Variants in CATSPER1 observed in about 807,000 individuals in gnomAD.
The protein encoded by CATSPER1 is cation channel sperm-associated protein 1.
Under a neutral mutation model 72.7 loss-of-function variants are expected in CATSPER1, and 57 were observed. The ratio of observed to expected loss-of-function variants is 0.78; its 90% CI spans 0.63 to 0.98. The LOEUF (loss-of-function observed/expected upper bound fraction) is 0.98. Among genes scored for constraint, CATSPER1 ranks in the 50% least tolerant of loss-of-function variants. The pLI is 0.00. For missense variants in CATSPER1, 910 were observed against 1,033.9 expected (o/e 0.88, Z 1.64); for synonymous variants, 363 against 403.0 (o/e 0.90, Z 1.19).
chr11:66,026,127 G>A lies in CATSPER1; in HGVS notation c.253C>T (p.Arg85Trp), dbSNP rs534997340. The change falls in exon 1 of 12, where the codon CGG (arginine) becomes TGG (tryptophan). Residue 85 changes from arginine to tryptophan, a missense_variant. Coordinates refer to ENST00000312106, the MANE Select transcript of CATSPER1 (RefSeq NM_053054.4). Reference protein sequence around the residue: ...VHQSHHHSEARNHGRAHGPTG... With the variant: ...VHQSHHHSEAWNHGRAHGPTG... ...GGGCCATGGGCTCTGCCGTGATTCC[G>A]TGCCTCGCTGTGGTGGTGAGATTGG... 14 of 1,606,838 alleles carry A rather than the reference G, an allele frequency of 8.7e-6. No individual in the cohort carries two copies. The highest frequency in any genetic ancestry group is 5.5e-5 in the South Asian group (5 of 90,942).
chr11:66,026,097 CTGTG>C lies in CATSPER1; in HGVS notation c.279_282del (p.Thr94AlafsTer240), dbSNP rs745435290. The C allele has an allele frequency of 2.6e-5, 42 of 1,612,152 alleles. No homozygotes were observed. The East Asian group carries it at 9.2e-4, about 35-fold the overall frequency. ...CCTTGAGAGGGAGCCAGACCAAAGC[CTGTG>C]GGGCCATGGGCTCTGCCGTGATTCC... On this transcript the variant is annotated frameshift_variant, in exon 1 of 12. Coordinates refer to ENST00000312106, the MANE Select transcript of CATSPER1 (RefSeq NM_053054.4). LOFTEE classifies it high-confidence loss of function.
At position 66,017,600 on chromosome 11, in the gene CATSPER1, G is replaced by A. The variant is rs1023291982; in HGVS notation, c.2202-426C>T. Among the ~76,000 whole-genome samples the A allele has an allele frequency of 2.8e-5, 4 of 141,500 alleles. No homozygotes were observed. In the Admixed American group the frequency reaches 3.0e-4, roughly 11 times the overall value. The allele number at this position is 141,500 out of a possible 152,430, so 92.8% of individuals were successfully genotyped here. A position where few individuals can be genotyped will look rare whatever the true frequency, so the allele number is the denominator to read the frequency against. ...CACCCATTGACACCTTCATCATGCT[G>A]TGTAGTCAGTCACCCACCTGTCCCT... On this transcript the variant is annotated intron_variant, in intron 10 of 11. Coordinates refer to ENST00000312106, the MANE Select transcript of CATSPER1 (RefSeq NM_053054.4).
intron 2 of CATSPER1, 22 bp from the exon 3 acceptor site, chr11:66,021,901 C>G: frequency 6.4e-7 from 1 of 1,566,580 alleles, no homozygotes; most frequent in Non-Finnish European, 8.8e-7. Flanking sequence ...CAGGGGTGCA[C>G]TCAGAGCTGT....
At position 66,026,413 on chromosome 11, in the gene CATSPER1, C is replaced by A; in HGVS notation, c.-34G>T. ...TGGGAACTCTGGAGCCAAAAGAGCT[C>A]AAGACCTGGGCCCAACAGGCCCCGC... On this transcript the variant is annotated 5_prime_UTR_variant, in exon 1 of 12. Transcript: ENST00000312106. The A allele has an allele frequency of 6.2e-7, 1 of 1,608,808 alleles. No homozygotes were observed. Among genetic ancestry groups the A allele is most frequent in the South Asian group, 1.1e-5 (1 of 91,008 alleles).
At chr11:66,023,643 G>A (rs974342760) in intron 1 of CATSPER1, among the ~76,000 whole-genome samples, 5 of 150,044 alleles carry the variant, frequency 3.3e-5, no homozygotes, top group Non-Finnish European at 5.9e-5. Flanking sequence ...CCAGGAGTTT[G>A]AGACCAGCCT....
chr11:66,023,712 G>A (rs1856428987), intron 1 of CATSPER1, among the ~76,000 whole-genome samples: 1 of 151,644 alleles, frequency 6.6e-6, no homozygotes, highest in African/African-American at 2.4e-5. Flanking sequence ...CCAGCCTGTT[G>A]GGGATTTGGA....
At chr11:66,017,025 C>T in intron 11 of CATSPER1, 35 bp downstream of exon 11, 3 of 1,612,854 alleles carry the variant, frequency 1.9e-6, no homozygotes, top group Non-Finnish European at 2.5e-6. Context: ...CTGGGGTTCC[C>T]CTCGCCGGCC....
chr11:66,021,942 G>T, intron 2 of CATSPER1, 63 bp from the exon 3 acceptor site: 1 of 1,275,924 alleles, frequency 7.8e-7, no homozygotes, highest in Non-Finnish European at 1.1e-6. Context: ...TCTCTCCTCA[G>T]CATTAGCCTC....
Position 66,023,000 on chromosome 11 carries a change from C to A in CATSPER1, c.1278G>T (p.Trp426Cys), listed in dbSNP as rs1319059902. Residue 426 changes from tryptophan (W) to cysteine (C), a missense_variant, in exon 2 of 12, where the codon TGG becomes TGT. Physicochemically the swap from Trp to Cys is radical, Grantham distance 215. Transcript: ENST00000312106. ...GHSTNLFQWLWEKLTFLIQGF... is the reference protein window; with the variant it reads ...GHSTNLFQWLCEKLTFLIQGF... ...CCTGAATGAGGAAGGTTAGCTTTTCCCACAGCCACTGGAAGAGATTGGTAG... is the reference window on the plus strand; with the variant it reads ...CCTGAATGAGGAAGGTTAGCTTTTCACACAGCCACTGGAAGAGATTGGTAG... 6.2e-7 allele frequency: 1 copy of A among 1,614,238 alleles called. No individual in the cohort carries two copies. The highest frequency in any genetic ancestry group is 1.7e-5 in the Admixed American group (1 of 60,024).
rs1856252447 is a variant in CATSPER1, at chr11:66,017,054, G to A, written c.2316+6C>T. The A allele has an allele frequency of 6.2e-7, 1 of 1,613,694 alleles. No homozygotes were observed. The highest frequency in any genetic ancestry group is 8.5e-7 in the Non-Finnish European group (1 of 1,179,778). ...GCCGGCCCCTTCCCGCTCCTGCCTG[G>A]TTCACCTCAAATGTGGTGTCCACAA... is the stretch of plus-strand genomic sequence containing the variant. On this transcript the variant is annotated splice_donor_region_variant and intron_variant, in intron 11 of 11. Coordinates refer to ENST00000312106, the MANE Select transcript of CATSPER1 (RefSeq NM_053054.4).
Position 66,017,193 on chromosome 11 carries a change from G to GT in CATSPER1, c.2202-20dup, listed in dbSNP as rs1590677954. 83 of 493,768 alleles carry GT rather than the reference G, an allele frequency of 1.7e-4. No homozygotes were observed. The highest frequency in any genetic ancestry group is 1.3e-3 in the Middle Eastern group (2 of 1,552). 30.6% of individuals were successfully genotyped at this position (493,768 alleles called of 1,614,324 possible). A position where few individuals can be genotyped will look rare whatever the true frequency, so the allele number is the denominator to read the frequency against. On this transcript the variant is annotated intron_variant, in intron 10 of 11. Coordinates refer to ENST00000312106, the MANE Select transcript of CATSPER1 (RefSeq NM_053054.4). ...CTGCTGCCTGCGGGTGGGCGGGGGG[G>GT]TCGCAGAGACAGGGGCTGGGCTGAC... is the stretch of plus-strand genomic sequence containing the variant.
At chr11:66,023,681 C>T (rs1274324763) in intron 1 of CATSPER1, among the ~76,000 whole-genome samples, 1 of 151,902 alleles carries the variant, frequency 6.6e-6, no homozygotes, top group African/African-American at 2.4e-5. Context: ...CAGGCTGGTC[C>T]TGTGCCTTCT....
Position 66,025,417 on chromosome 11 carries a change from G to A in CATSPER1, c.963C>T (p.Ser321=). ...SSYLHGDYVQ[S]TSQLSIPHTS... is the part of the protein sequence containing the mutation. ...TGTGTGGGATAGAGAGTTGGGAAGT[G>A]CTCTGGACGTAGTCGCCATGGAGGT... Residue 321 remains serine (S), a synonymous_variant, in exon 1 of 12, where the codon AGC becomes AGT. Transcript: ENST00000312106. 6.2e-7 allele frequency: 1 copy of A among 1,613,984 alleles called. No homozygotes were observed. The highest frequency in any genetic ancestry group is 8.5e-7 in the Non-Finnish European group (1 of 1,179,994).
Position 66,020,032 on chromosome 11 carries a change from C to G in CATSPER1, c.2125+108G>C. 2 of 1,212,278 alleles carry G rather than the reference C, an allele frequency of 1.6e-6. No individual in the cohort carries two copies. Among genetic ancestry groups the G allele is most frequent in the Non-Finnish European group, 1.2e-6 (1 of 846,976 alleles). 75.1% of individuals were successfully genotyped at this position (1,212,278 alleles called of 1,614,324 possible). Reference sequence around the variant, plus strand: ...CTCCTGAGTCTCAAATTCTAAAACTCTAAAACTGAGTCTGGAATTCTGTGA... The same window carrying G: ...CTCCTGAGTCTCAAATTCTAAAACTGTAAAACTGAGTCTGGAATTCTGTGA... On this transcript the variant is annotated intron_variant, in intron 9 of 11. Transcript: ENST00000312106. The surrounding 1 kb of genome is among the most constrained non-coding windows in gnomAD (Gnocchi z 4.5).
In CATSPER1 at chr11:66,020,089, TG is replaced by T; in HGVS notation, c.2125+50del. On this transcript the variant is annotated intron_variant, in intron 9 of 11. Coordinates refer to ENST00000312106, the MANE Select transcript of CATSPER1 (RefSeq NM_053054.4). The surrounding 1 kb of genome is among the most constrained non-coding windows in gnomAD (Gnocchi z 4.5). ...AAGGAGGTTAGGGGGATGGAGAGAC[TG>T]GCCCCCACTGCGGACGGGCAGGTGG... is the stretch of plus-strand genomic sequence containing the variant. 6.3e-7 allele frequency: 1 copy of T among 1,575,272 alleles called. No homozygotes were observed. The highest frequency in any genetic ancestry group is 8.7e-7 in the Non-Finnish European group (1 of 1,146,204).
rs1433868433 is a variant in CATSPER1, at chr11:66,020,726, C to T, written c.1927+85G>A. On this transcript the variant is annotated intron_variant, in intron 6 of 11. Coordinates refer to ENST00000312106, the MANE Select transcript of CATSPER1 (RefSeq NM_053054.4). The surrounding 1 kb of genome is among the most constrained non-coding windows in gnomAD (Gnocchi z 4.5). ...ACCCGGACATGCAGGCATCAGAAGC[C>T]CCACTTTGCCGATGGGGTCACTGAG... The T allele has an allele frequency of 1.2e-5, 19 of 1,604,146 alleles. No individual in the cohort carries two copies. The East Asian group carries it at 2.0e-4, about 17-fold the overall frequency.
chr11:66,019,013 C>T (rs911670229), intron 9 of CATSPER1, 111 bp from the exon 10 acceptor site: 3 of 892,348 alleles, frequency 3.4e-6, no homozygotes, highest in Non-Finnish European at 5.5e-6. Context: ...CAGGCTGCTC[C>T]AGGAGGTTGC....
chr11:66,025,831 T>C lies in CATSPER1; in HGVS notation c.549A>G (p.Gly183=). The part of the protein sequence containing the change: ...SHHGGSYLPH[G]PNPYSESFHH... ...GGAAGGACTCACTGTAGGGATTGGG[T>C]CCATGGGGGAGGTAGGACCCACCAT... is the stretch of plus-strand genomic sequence containing the variant. Residue 183 remains glycine (G), a synonymous_variant, in exon 1 of 12, where the codon GGA becomes GGG. Transcript: ENST00000312106. 6.2e-7 allele frequency: 1 copy of C among 1,611,460 alleles called. No homozygotes were observed. Among genetic ancestry groups the C allele is most frequent in the East Asian group, 2.2e-5 (1 of 44,714 alleles).
Position 66,020,809 on chromosome 11 carries a change from AC to A in CATSPER1, c.1927+1del, listed in dbSNP as rs1856348544. Reference sequence around the variant, plus strand: ...CTCCCTGCAGCCTGGGGCCTGCCCTACCCTGGGCACGGCTGTCCATGTAGAT... The same window carrying A: ...CTCCCTGCAGCCTGGGGCCTGCCCTACCTGGGCACGGCTGTCCATGTAGAT... On this transcript the variant is annotated splice_donor_variant, in intron 6 of 11. Transcript: ENST00000312106. LOFTEE classifies it high-confidence loss of function. This position sits in a 1 kb window ranked among gnomAD's most constrained non-coding sequence, Gnocchi z 4.5. 3.7e-6 allele frequency: 6 copies of A among 1,613,472 alleles called. No individual in the cohort carries two copies. Among genetic ancestry groups the A allele is most frequent in the African/African-American group, 1.3e-5 (1 of 74,844 alleles).
Sources: allele counts gnomAD v4.1 joint callset (sites outside exome capture counted in the v4.1 genomes callset), GRCh38; gene constraint gnomAD v4.1.1; non-coding constraint Gnocchi (gnomAD v3.1); transcripts MANE v1.5; gene names NCBI Gene and HGNC (gene_info 2026-07-23, HGNC 2026-07-21).